Variants in AP4E1 observed in about 807,000 individuals in gnomAD.
AP4E1 encodes the protein adaptor related protein complex 4 subunit epsilon 1.
A neutral mutation model predicts 128.2 loss-of-function variants in AP4E1; 56 were observed. The ratio of observed to expected loss-of-function variants is 0.44; its 90% confidence interval spans 0.35 to 0.55. The LOEUF (loss-of-function observed/expected upper bound fraction) is 0.55. Ranked by LOEUF, AP4E1 falls within the 20% of genes least tolerant of loss-of-function variation. The pLI is 0.00. For missense variants in AP4E1, 1,324 were observed against 1,307.7 expected, an observed-to-expected ratio of 1.01 and a Z score of -0.19; for synonymous variants, 484 against 473.1, an observed-to-expected ratio of 1.02 and a Z score of -0.30.
At chr15:50,996,788 T>C (rs1033452917) in intron 17 of AP4E1, among the ~76,000 whole-genome samples, 4 of 152,240 alleles carry the variant, frequency 2.6e-5, no homozygotes, top group Non-Finnish European at 5.9e-5. Flanking sequence ...TAGTCAGTTA[T>C]TGAGTTCTTT....
chr15:50,912,772 C>T, intron 2 of AP4E1, among the ~76,000 whole-genome samples: 1 of 151,982 alleles, frequency 6.6e-6, no homozygotes, highest in East Asian at 1.9e-4. Context: ...AACCGATTCT[C>T]CTGCCTCAGC....
intron 3 of AP4E1, among the ~76,000 whole-genome samples, chr15:50,920,144 C>T (rs1365553498): frequency 1.8e-4 from 22 of 120,428 alleles, no homozygotes; most frequent in Non-Finnish European, 2.4e-4. Context: ...GACGGAGTCT[C>T]GCTCTTTCGC....
chr15:50,980,552 T>C (rs1380005282), intron 15 of AP4E1, among the ~76,000 whole-genome samples: 1 of 152,154 alleles, frequency 6.6e-6, no homozygotes, highest in African/African-American at 2.4e-5. Flanking sequence ...TCTGGTCAAG[T>C]GACTGTCTGC....
intron 11 of AP4E1, among the ~76,000 whole-genome samples, chr15:50,948,644 T>C (rs919838403): frequency 2.0e-5 from 3 of 152,186 alleles, no homozygotes; most frequent in Non-Finnish European, 2.9e-5. Flanking sequence ...CAGAAGAACT[T>C]TACAGGTCAT....
At chr15:50,964,165 A>G (rs1309392406) in intron 14 of AP4E1, among the ~76,000 whole-genome samples, 1 of 152,192 alleles carries the variant, frequency 6.6e-6, no homozygotes, top group African/African-American at 2.4e-5. Context: ...GTTGTCTCAT[A>G]TGTCATGTAT....
At chr15:50,953,535 A>G (rs2064179511) in intron 13 of AP4E1, among the ~76,000 whole-genome samples, 1 of 152,196 alleles carries the variant, frequency 6.6e-6, no homozygotes, top group South Asian at 2.1e-4. Context: ...TCCTTTGTCC[A>G]GTGTATCCAT....
intron 8 of AP4E1, among the ~76,000 whole-genome samples, chr15:50,937,739 A>C (rs1015453252): frequency 6.6e-6 from 1 of 152,126 alleles, no homozygotes; most frequent in Non-Finnish European, 1.5e-5. Flanking sequence ...TTTTAGGTGG[A>C]GGGAACATGA....
At position 50,977,706 on chromosome 15, in the gene AP4E1, G is replaced by GTTTTTTT. The variant is rs1401774266; in HGVS notation, c.1967-6302_1967-6296dup. ...ATCTTTTAATTATCAATCTGTTATG[G>GTTTTTTT]TTTTTTTTTTTTTTTTTTTTAGACA... On this transcript the variant is annotated intron_variant, in intron 15 of 20. Transcript: ENST00000261842. Among the ~76,000 whole-genome samples the GTTTTTTT allele has an allele frequency of 4.4e-4, 35 of 80,252 alleles. 2 individuals carry two copies. The highest frequency in any genetic ancestry group is 7.0e-4 in the African/African-American group (15 of 21,480). The allele number at this position is 80,252 out of a possible 152,430, so 52.6% of individuals were successfully genotyped here.
intron 3 of AP4E1, among the ~76,000 whole-genome samples, chr15:50,916,780 A>G (rs185183620): frequency 6.6e-6 from 1 of 152,232 alleles, no homozygotes; most frequent in Non-Finnish European, 1.5e-5. Context: ...CCATATTCCA[A>G]ATCAAATTTT....
At chr15:50,925,591 C>A (rs2063758122) in intron 5 of AP4E1, among the ~76,000 whole-genome samples, 1 of 150,196 alleles carries the variant, frequency 6.7e-6, no homozygotes, top group Non-Finnish European at 1.5e-5. Flanking sequence ...GGAAATTGTG[C>A]AAGTGTTGTG....
chr15:50,917,222 C>A (rs966310826), intron 3 of AP4E1, among the ~76,000 whole-genome samples: 7 of 152,140 alleles, frequency 4.6e-5, no homozygotes, highest in African/African-American at 1.7e-4. Context: ...AAGTGAAAAC[C>A]AACTTCATCC....
At chr15:50,985,381 G>GC (rs1345657784) in intron 16 of AP4E1, among the ~76,000 whole-genome samples, 1 of 152,138 alleles carries the variant, frequency 6.6e-6, no homozygotes, top group Non-Finnish European at 1.5e-5. Context: ...TGAAGTCTTT[G>GC]CCCATGCCTA....
At chr15:50,967,189 T>C (rs2064405733) in intron 14 of AP4E1, among the ~76,000 whole-genome samples, 1 of 152,208 alleles carries the variant, frequency 6.6e-6, no homozygotes, top group Non-Finnish European at 1.5e-5. Flanking sequence ...AAAGGCACTG[T>C]GGGAGGCTGA....
At chr15:50,951,627 T>G (rs563336155) in intron 13 of AP4E1, among the ~76,000 whole-genome samples, 2 of 152,306 alleles carry the variant, frequency 1.3e-5, no homozygotes, top group Admixed American at 6.5e-5. Context: ...TTTCCCCAGA[T>G]TTTTACTTAA....
chr15:50,940,797 C>A (rs1028769323), intron 8 of AP4E1, among the ~76,000 whole-genome samples: 2 of 152,050 alleles, frequency 1.3e-5, no homozygotes, highest in Non-Finnish European at 2.9e-5. Context: ...ATGAGACTTT[C>A]GAATGTATCA....
At chr15:50,920,641 A>AC (rs1339589768) in intron 3 of AP4E1, among the ~76,000 whole-genome samples, 1 of 141,884 alleles carries the variant, frequency 7.0e-6, no homozygotes, top group African/African-American at 2.7e-5. Context: ...CTCATGATCC[A>AC]CCCGCCTTGG....
At position 50,958,739 on chromosome 15, in the gene AP4E1, A is replaced by C. The variant is rs772880468; in HGVS notation, c.1796A>C (p.Asn599Thr). The C allele has an allele frequency of 6.2e-7, 1 of 1,614,070 alleles. No individual in the cohort carries two copies. The highest frequency in any genetic ancestry group is 1.3e-5 in the African/African-American group (1 of 74,952). Residue 599 changes from asparagine (N) to threonine (T), a missense_variant, in exon 14 of 21, where the codon AAT (asparagine) becomes ACT (threonine). Transcript: ENST00000261842. ...TTTGAATTAAAACATTTGCATGAGA[A>C]TGTGGAACTTATGAAGAGCTTGCTT... The part of the protein sequence containing the change: ...HAFELKHLHE[N>T]VELMKSLLPV...
At chr15:50,934,793 T>C in intron 8 of AP4E1, 96 bp downstream of exon 8, 1 of 779,916 alleles carries the variant, frequency 1.3e-6, no homozygotes, top group Non-Finnish European at 2.2e-6. Context: ...CCAATAGAAT[T>C]TTATACACTG....
intron 5 of AP4E1, among the ~76,000 whole-genome samples, chr15:50,927,766 A>T (rs1487925581): frequency 6.6e-6 from 1 of 152,054 alleles, no homozygotes; most frequent in Non-Finnish European, 1.5e-5. Context: ...ACTTATTAAG[A>T]ATCTTATAAA....
Sources: gnomAD v4.1 joint callset for allele counts (sites outside exome capture counted in the v4.1 genomes callset) on GRCh38, gnomAD v4.1.1 for gene constraint, MANE v1.5 for transcripts, NCBI Gene and HGNC (gene_info 2026-07-23, HGNC 2026-07-21) for gene names.